KLHL3: variants seen among roughly 807,000 people sequenced by gnomAD.
The protein encoded by KLHL3 is kelch-like protein 3.
KLHL3 carries 19 observed loss-of-function variants against 70.5 expected under a neutral mutation model. The observed-to-expected ratio is 0.27, with a 90% confidence interval of 0.19 to 0.40. The LOEUF is 0.40. Ranked by LOEUF, KLHL3 falls within the 10% of genes least tolerant of loss-of-function variation. KLHL3 has a pLI of 1.00. For missense variants in KLHL3, 512 were observed against 771.1 expected (o/e 0.66, Z 3.98); for synonymous variants, 258 against 290.3 (o/e 0.89, Z 1.13).
intron 10 of KLHL3, among the ~76,000 whole-genome samples, chr5:137,638,527 A>C (rs1311076977): frequency 1.3e-5 from 2 of 152,200 alleles, no homozygotes; most frequent in African/African-American, 2.4e-5. Flanking sequence ...GGTAGTAGAA[A>C]GGGCAACAGA....
At chr5:137,711,789 T>C (rs1042843004) in intron 2 of KLHL3, among the ~76,000 whole-genome samples, 2 of 152,172 alleles carry the variant, frequency 1.3e-5, no homozygotes, top group Non-Finnish European at 1.5e-5. Context: ...AAATGGCCTT[T>C]AGTCTCATTA....
chr5:137,724,043 G>A (rs945870733), intron 1 of KLHL3, among the ~76,000 whole-genome samples: 6 of 152,182 alleles, frequency 3.9e-5, no homozygotes, highest in East Asian at 1.9e-4. Flanking sequence ...TGGGGAAAGC[G>A]ATGTCTTTCC....
At chr5:137,645,571 A>G (rs575520794) in intron 8 of KLHL3, among the ~76,000 whole-genome samples, 54 of 152,286 alleles carry the variant, frequency 3.5e-4, no homozygotes, top group African/African-American at 1.2e-3. Context: ...ACAAAAAAAA[A>G]TAAAATAACT....
In KLHL3 at chr5:137,690,375, C is replaced by T. The variant is rs1752289748; in HGVS notation, c.526+1910G>A. On this transcript the variant is annotated intron_variant, in intron 5 of 14. Transcript: ENST00000309755. The stretch of plus-strand genomic sequence containing the variant: ...GAGAAAATGCTTGCCTTAGCACACC[C>T]ATCCATCTAGAAAGTGACCTCTTCA... Among the ~76,000 whole-genome samples, 4 of 151,704 alleles carry T rather than the reference C, an allele frequency of 2.6e-5. No individual in the cohort carries two copies. In the South Asian group the frequency reaches 8.3e-4, roughly 32 times the overall value.
rs150376340 is a variant in KLHL3 at position 137,655,558 on chromosome 5, C to T, written c.903+2573G>A. On this transcript the variant is annotated intron_variant, in intron 8 of 14. Coordinates refer to ENST00000309755, the MANE Select transcript of KLHL3 (RefSeq NM_017415.3). ...AAGCAAAAGATAGATCAATTTGACT[C>T]CTTAAAAACTGGGGCTTTTTTGGAC... 2.0e-3 allele frequency among the ~76,000 whole-genome samples: 306 copies of T among 152,238 alleles called. 1 individual carries two copies. The highest frequency in any genetic ancestry group is 7.1e-3 in the African/African-American group (294 of 41,538).
intron 5 of KLHL3, among the ~76,000 whole-genome samples, chr5:137,682,436 G>GAGAGAGAGAGAGA (rs1752055158): frequency 1.1e-5 from 1 of 94,348 alleles, no homozygotes; most frequent in African/African-American, 4.0e-5. Flanking sequence ...AGAGAGAGAG[G>GAGAGAGAGAGAGA]CATAGACAGA....
chr5:137,657,759 G>A (rs1382643337), intron 8 of KLHL3, among the ~76,000 whole-genome samples: 14 of 152,154 alleles, frequency 9.2e-5, no homozygotes, highest in Admixed American at 7.9e-4. Context: ...CTCAAAGAAT[G>A]GCCTAGAAAG....
In KLHL3 at chr5:137,677,662, A is replaced by T; in HGVS notation, c.527-8T>A. ...CCTCTGGAAAGTGCTGCTCTGTTCC[A>T]AAAAAAAAAAAAAGAAGTTAAGAAA... On this transcript the variant is annotated splice_region_variant and splice_polypyrimidine_tract_variant and intron_variant, in intron 5 of 14. Coordinates refer to ENST00000309755, the MANE Select transcript of KLHL3 (RefSeq NM_017415.3). The T allele has an allele frequency of 3.8e-6, 1 of 264,000 alleles. No individual in the cohort carries two copies. 16.4% of individuals were successfully genotyped at this position (264,000 alleles called of 1,614,324 possible).
At chr5:137,682,914 C>T (rs1403213231) in intron 5 of KLHL3, among the ~76,000 whole-genome samples, 1 of 152,172 alleles carries the variant, frequency 6.6e-6, no homozygotes, top group Non-Finnish European at 1.5e-5. Context: ...TAAACCTAAA[C>T]CTTTGATCTG....
chr5:137,695,052 A>G (rs1021898263), intron 4 of KLHL3, among the ~76,000 whole-genome samples: 1 of 152,148 alleles, frequency 6.6e-6, no homozygotes, highest in Non-Finnish European at 1.5e-5. Context: ...AGATCATGCC[A>G]GTGACACACA....
At position 137,720,487 on chromosome 5, in the gene KLHL3, T is replaced by C; in HGVS notation, c.112A>G (p.Lys38Glu). The change falls in exon 2 of 15, where the codon AAG (lysine) becomes GAG (glutamate). Residue 38 changes from lysine (K) to glutamate (E), a missense_variant. By Grantham distance (56) the Lys-to-Glu change is moderately conservative (BLOSUM62 1). Coordinates refer to ENST00000309755, the MANE Select transcript of KLHL3 (RefSeq NM_017415.3). Reference sequence around the variant, plus strand: ...TACCTCCGCAGTTCATTCATAACCTTGAATGCTTTCCCCATGTGGGCAGGG... The same window carrying C: ...TACCTCCGCAGTTCATTCATAACCTCGAATGCTTTCCCCATGTGGGCAGGG... ...VNPAHMGKAF[K>E]VMNELRSKQL... 6.2e-7 allele frequency: 1 copy of C among 1,614,136 alleles called. No homozygotes were observed. The highest frequency in any genetic ancestry group is 8.5e-7 in the Non-Finnish European group (1 of 1,179,992).
chr5:137,652,239 C>G (rs1309147652), intron 8 of KLHL3, among the ~76,000 whole-genome samples: 2 of 151,982 alleles, frequency 1.3e-5, no homozygotes, highest in Non-Finnish European at 2.9e-5. Flanking sequence ...GTACAGCCAC[C>G]ATGGAAAACA....
chr5:137,631,623 G>A, intron 12 of KLHL3, among the ~76,000 whole-genome samples: 1 of 152,084 alleles, frequency 6.6e-6, no homozygotes, highest in East Asian at 1.9e-4. Flanking sequence ...TATGACCTTG[G>A]GCAAATTACT....
intron 8 of KLHL3, among the ~76,000 whole-genome samples, chr5:137,650,308 C>A (rs1474565112): frequency 6.6e-6 from 1 of 152,160 alleles, no homozygotes; most frequent in Non-Finnish European, 1.5e-5. Flanking sequence ...TAACTCCTTA[C>A]CCCTCTCTGT....
Position 137,677,582 on chromosome 5 carries a change from ATC to A in KLHL3, c.597_598del (p.Leu199PhefsTer16). 6.2e-7 allele frequency: 1 copy of A among 1,609,884 alleles called. No individual in the cohort carries two copies. The highest frequency in any genetic ancestry group is 2.2e-5 in the East Asian group (1 of 44,552). ...AGAAACGGTCAGCTTGTCGCTGGAT[ATC>A]AAGCTGCACACCTGGTCCAGACTCA... On this transcript the variant is annotated frameshift_variant, in exon 6 of 15. Coordinates refer to ENST00000309755, the MANE Select transcript of KLHL3 (RefSeq NM_017415.3). LOFTEE classifies it high-confidence loss of function.
chr5:137,730,292 C>G (rs1753153347), intron 1 of KLHL3, among the ~76,000 whole-genome samples: 1 of 152,202 alleles, frequency 6.6e-6, no homozygotes, highest in African/African-American at 2.4e-5. Flanking sequence ...AGGCACAACC[C>G]TTCATGTCCC....
At chr5:137,686,971 T>G (rs1171940872) in intron 5 of KLHL3, among the ~76,000 whole-genome samples, 3 of 9,658 alleles carry the variant, frequency 3.1e-4, no homozygotes, top group South Asian at 4.5e-3. Flanking sequence ...GGGAGGGAGG[T>G]GGGGGGGTCA....
intron 13 of KLHL3, 87 bp from the exon 14 acceptor site, chr5:137,625,983 G>A: frequency 6.5e-7 from 1 of 1,527,698 alleles, no homozygotes; most frequent in Non-Finnish European, 8.9e-7. Context: ...TGGATAGCCT[G>A]GGAGGCTCTT....
At chr5:137,660,708 A>G (rs528280247) in intron 7 of KLHL3, 2 of 152,354 alleles carry the variant, frequency 1.3e-5, no homozygotes, top group South Asian at 2.1e-4. Context: ...GTCACCTGCT[A>G]CTAAGAATCA....
Sources: allele counts gnomAD v4.1 joint callset (sites outside exome capture counted in the v4.1 genomes callset), GRCh38; gene constraint gnomAD v4.1.1; transcripts MANE v1.5; gene names NCBI Gene and HGNC (gene_info 2026-07-23, HGNC 2026-07-21).